Variants in FAM47E observed in about 807,000 individuals in gnomAD.
The protein encoded by FAM47E is family with sequence similarity 47 member E.
In FAM47E, 32 loss-of-function variants were observed where a neutral mutation model predicts 41.6. That is an observed-to-expected ratio of 0.77 (90% CI 0.58 to 1.03). The LOEUF is 1.03. Among genes scored for constraint, FAM47E ranks in the 50% least tolerant of loss-of-function variants. The probability of loss-of-function intolerance (pLI) is 0.00; values close to 1 mark genes in which losing one functional copy is unlikely to be tolerated. For missense variants in FAM47E, 424 were observed against 485.4 expected, an observed-to-expected ratio of 0.87 and a Z score of 1.19; for synonymous variants, 184 against 188.7, an observed-to-expected ratio of 0.98 and a Z score of 0.20.
chr4:76,276,368 G>GTTTTT (rs1553957220), intron 5 of FAM47E, among the ~76,000 whole-genome samples: 3,597 of 150,032 alleles, frequency 0.024, 113 homozygotes, highest in African/African-American at 0.068. Context: ...TTTTTTGTTT[G>GTTTTT]TTTGTTTTTT....
At chr4:76,219,723 A>G (rs1470312467) in intron 2 of FAM47E, among the ~76,000 whole-genome samples, 2 of 152,052 alleles carry the variant, frequency 1.3e-5, no homozygotes, top group African/African-American at 2.4e-5. Context: ...ATAGGGGTGC[A>G]GTAGTGGAAT....
chr4:76,280,626 T>A, intron 7 of FAM47E: 1 of 299,906 alleles, frequency 3.3e-6, no homozygotes, highest in Non-Finnish European at 6.2e-6. Context: ...CAATAGGAGG[T>A]CTATGTACAG....
intron 1 of FAM47E, among the ~76,000 whole-genome samples, chr4:76,254,400 A>G (rs1344050976): frequency 1.3e-5 from 2 of 152,198 alleles, no homozygotes; most frequent in Non-Finnish European, 2.9e-5. Context: ...GTAATGCTGA[A>G]TGGGTCATTA....
intron 5 of FAM47E, among the ~76,000 whole-genome samples, chr4:76,273,035 G>A (rs916103511): frequency 2.6e-5 from 4 of 152,144 alleles, no homozygotes; most frequent in African/African-American, 9.7e-5. Context: ...CCTGTTATCT[G>A]TTACCTGTAG....
intron 5 of FAM47E, among the ~76,000 whole-genome samples, chr4:76,277,419 G>T: frequency 6.6e-6 from 1 of 151,816 alleles, no homozygotes; most frequent in Non-Finnish European, 1.5e-5. Flanking sequence ...CTGCGAGGCG[G>T]AGCTTGCAGT....
chr4:76,251,689 G>A (rs558254963), upstream of FAM47E: 191 of 1,401,124 alleles, frequency 1.4e-4, 2 homozygotes, highest in African/African-American at 2.5e-3. Context: ...GCAACGGGGC[G>A]GCAGCAGGGC....
chr4:76,234,218 TGG>T (rs1733544053), intron 2 of FAM47E: 1 of 152,290 alleles, frequency 6.6e-6, no homozygotes, highest in Non-Finnish European at 1.5e-5. Context: ...TGCGGGGGTG[TGG>T]GCATGATTTC....
At chr4:76,253,849 G>A (rs4859649) in intron 1 of FAM47E, among the ~76,000 whole-genome samples, 104,722 of 151,048 alleles carry the variant, frequency 0.69, 36,956 homozygotes, top group Non-Finnish European at 0.78. Context: ...AAAGTGGCTC[G>A]CGCCTGTAAT....
intron 2 of FAM47E, among the ~76,000 whole-genome samples, chr4:76,232,628 C>T (rs1733513459): frequency 6.6e-6 from 1 of 152,090 alleles, no homozygotes; most frequent in Admixed American, 6.6e-5. Context: ...ATTAATATTA[C>T]TCACAAAAAT....
At chr4:76,222,628 T>C (rs146565357) in intron 2 of FAM47E, among the ~76,000 whole-genome samples, 2,582 of 152,328 alleles carry the variant, frequency 0.017, 72 homozygotes, top group African/African-American at 0.059. Context: ...AGGAGGGTTT[T>C]GGTCCTTCAC....
chr4:76,234,044 C>A (rs573229925), intron 2 of FAM47E, among the ~76,000 whole-genome samples: 1 of 152,364 alleles, frequency 6.6e-6, no homozygotes, highest in African/African-American at 2.4e-5. Context: ...TCAGAGATGG[C>A]CTTTCAGGCC....
At chr4:76,235,519 AT>A (rs1217447267) in intron 2 of FAM47E, among the ~76,000 whole-genome samples, 2 of 152,126 alleles carry the variant, frequency 1.3e-5, no homozygotes, top group African/African-American at 4.8e-5. Context: ...AGGAATTATT[AT>A]CCCCATTTTA....
chr4:76,219,491 T>G (rs938057351), intron 2 of FAM47E, among the ~76,000 whole-genome samples: 7 of 152,228 alleles, frequency 4.6e-5, no homozygotes, highest in African/African-American at 1.7e-4. Context: ...TCTGATTTCC[T>G]GCATGTTGTG....
chr4:76,247,328 TATTA>T (rs1733849723), upstream of FAM47E, among the ~76,000 whole-genome samples: 1 of 152,214 alleles, frequency 6.6e-6, no homozygotes, highest in Admixed American at 6.5e-5. Context: ...ACATTTTGTT[TATTA>T]ATTCATCTGT....
chr4:76,225,185 G>T (rs1335452815), intron 2 of FAM47E, among the ~76,000 whole-genome samples: 1 of 151,976 alleles, frequency 6.6e-6, no homozygotes, highest in Admixed American at 6.6e-5. Flanking sequence ...TTATCCACTC[G>T]CACTCGTTGG....
At chr4:76,266,418 A>C (rs895563146) in intron 3 of FAM47E, among the ~76,000 whole-genome samples, 2 of 152,192 alleles carry the variant, frequency 1.3e-5, no homozygotes, top group African/African-American at 2.4e-5. Flanking sequence ...TGGGAACCCC[A>C]TCTTTCCAGT....
intron 2 of FAM47E, among the ~76,000 whole-genome samples, chr4:76,238,153 G>C (rs943344419): frequency 2.0e-4 from 30 of 152,194 alleles, no homozygotes; most frequent in Non-Finnish European, 1.2e-4. Context: ...TGATCCATAA[G>C]GAAGGCTATG....
intron 1 of FAM47E, among the ~76,000 whole-genome samples, chr4:76,252,689 T>G (rs1734022017): frequency 6.6e-6 from 1 of 152,166 alleles, no homozygotes. Flanking sequence ...CTAGCAGTTA[T>G]TCATAAGAGC....
chr4:76,275,951 G>A (rs1735079628), intron 5 of FAM47E, among the ~76,000 whole-genome samples: 1 of 152,026 alleles, frequency 6.6e-6, no homozygotes, highest in African/African-American at 2.4e-5. Flanking sequence ...CCACTTGGGG[G>A]ATGCTATTAG....
Sources: allele counts gnomAD v4.1 joint callset (sites outside exome capture counted in the v4.1 genomes callset), GRCh38; gene constraint gnomAD v4.1.1; transcripts MANE v1.5; gene names NCBI Gene and HGNC (gene_info 2026-07-23, HGNC 2026-07-21).